The following TANC1 variants were observed in gnomAD, a reference collection of about 807,000 sequenced individuals.
The protein encoded by TANC1 is tetratricopeptide repeat, ankyrin repeat and coiled-coil containing 1.
Under a neutral mutation model 149.7 loss-of-function variants are expected in TANC1, and 77 were observed. That is an observed-to-expected ratio of 0.51 (90% CI 0.43 to 0.62). The LOEUF (loss-of-function observed/expected upper bound fraction) is 0.62. Ranked by LOEUF, TANC1 falls within the 20% of genes least tolerant of loss-of-function variation. The pLI is 0.00. For missense variants in TANC1, 1,985 were observed against 2,321.8 expected, an observed-to-expected ratio of 0.85 and a Z score of 2.98; for synonymous variants, 854 against 925.0, an observed-to-expected ratio of 0.92 and a Z score of 1.39.
At chr2:159,209,511 T>C (rs2058845879) in intron 19 of TANC1, among the ~76,000 whole-genome samples, 2 of 152,130 alleles carry the variant, frequency 1.3e-5, no homozygotes, top group Non-Finnish European at 1.5e-5. Flanking sequence ...GGGGAAAGGT[T>C]GCTGCTTTCA....
intron 19 of TANC1, among the ~76,000 whole-genome samples, chr2:159,204,158 G>A (rs2058448438): frequency 6.6e-6 from 1 of 152,214 alleles, no homozygotes; most frequent in African/African-American, 2.4e-5. Flanking sequence ...CCTGGTCCTT[G>A]TCATATAGGT....
At chr2:159,132,500 G>A (rs944929952) in intron 4 of TANC1, among the ~76,000 whole-genome samples, 1 of 151,656 alleles carries the variant, frequency 6.6e-6, no homozygotes, top group Non-Finnish European at 1.5e-5. Flanking sequence ...TTTTTCTTTT[G>A]TTTTGTTTGA....
intron 2 of TANC1, among the ~76,000 whole-genome samples, chr2:159,017,521 A>C (rs535797138): frequency 6.6e-6 from 1 of 152,270 alleles, no homozygotes; most frequent in South Asian, 2.1e-4. Flanking sequence ...AAGTATTTGC[A>C]GTGGTCCTGA....
intron 1 of TANC1, among the ~76,000 whole-genome samples, chr2:158,993,164 C>T (rs191768183): frequency 5.9e-5 from 9 of 152,288 alleles, no homozygotes; most frequent in East Asian, 1.9e-4. Flanking sequence ...TCAGATTAAA[C>T]GGTCACACAG....
At chr2:159,223,634 C>T (rs2059833728) in intron 22 of TANC1, among the ~76,000 whole-genome samples, 1 of 152,222 alleles carries the variant, frequency 6.6e-6, no homozygotes, top group African/African-American at 2.4e-5. Context: ...ATTTCTTCCT[C>T]TTGTTTCCAG....
rs1203609764 is a variant in TANC1, at chr2:159,168,229, A to T, written c.947-1021A>T. ...GTACTTGCTTCTAAGATTTCTTGAG[A>T]ATTAGCAAAATTATTTTGCGGTAGT... is the stretch of plus-strand genomic sequence containing the variant. On this transcript the variant is annotated intron_variant, in intron 8 of 26. Coordinates refer to ENST00000263635, the MANE Select transcript of TANC1 (RefSeq NM_033394.3). Among the ~76,000 whole-genome samples the T allele has an allele frequency of 2.0e-5, 3 of 152,110 alleles. No homozygotes were observed. In the East Asian group the frequency reaches 5.8e-4, roughly 29 times the overall value.
chr2:159,066,541 A>T (rs1333898854), intron 3 of TANC1, among the ~76,000 whole-genome samples: 2 of 152,262 alleles, frequency 1.3e-5, no homozygotes, highest in African/African-American at 2.4e-5. Context: ...TTAATAGGTC[A>T]TTCAGATCTG....
chr2:159,011,122 G>C (rs1045142290), intron 2 of TANC1, among the ~76,000 whole-genome samples: 2 of 152,182 alleles, frequency 1.3e-5, no homozygotes, highest in Non-Finnish European at 2.9e-5. Flanking sequence ...TTACAGATGA[G>C]AGTGAGTAAC....
rs531364887 is a variant in TANC1 at position 159,137,172 on chromosome 2, CT to C, written c.364+875del. ...TGGCATATCTGGCACCTTCCTCTGCCTAATTGTGGGTGGTGGGAGATACAGA... is the reference window on the plus strand; with the variant it reads ...TGGCATATCTGGCACCTTCCTCTGCCAATTGTGGGTGGTGGGAGATACAGA... On this transcript the variant is annotated intron_variant, in intron 5 of 26. Transcript: ENST00000263635. 1.4e-3 allele frequency among the ~76,000 whole-genome samples: 211 copies of C among 152,320 alleles called. 2 individuals are homozygous for C. Among genetic ancestry groups the C allele is most frequent in the Non-Finnish European group, 2.3e-3 (159 of 68,028 alleles).
intron 7 of TANC1, among the ~76,000 whole-genome samples, chr2:159,155,657 A>G (rs1323312620): frequency 2.6e-5 from 4 of 152,256 alleles, no homozygotes; most frequent in Non-Finnish European, 5.9e-5. Context: ...TTAAGTGCTC[A>G]GAATTCAAGC....
chr2:159,083,386 T>C (rs935889890), intron 3 of TANC1, among the ~76,000 whole-genome samples: 2 of 152,172 alleles, frequency 1.3e-5, no homozygotes, highest in Non-Finnish European at 2.9e-5. Context: ...TAAAAACTCT[T>C]AGAAGATCCC....
chr2:158,993,654 T>A (rs971360027), intron 1 of TANC1, among the ~76,000 whole-genome samples: 2 of 152,256 alleles, frequency 1.3e-5, no homozygotes, highest in African/African-American at 2.4e-5. Flanking sequence ...TTAAATTTTT[T>A]AAAAGTTAAT....
intron 7 of TANC1, among the ~76,000 whole-genome samples, chr2:159,160,549 G>T (rs1438779357): frequency 6.6e-6 from 1 of 152,212 alleles, no homozygotes; most frequent in African/African-American, 2.4e-5. Context: ...CTTAGGTTAT[G>T]CAGGGAAGCC....
At chr2:159,124,179 GA>G (rs1309853290) in intron 4 of TANC1, among the ~76,000 whole-genome samples, 2 of 152,090 alleles carry the variant, frequency 1.3e-5, no homozygotes, top group Admixed American at 6.6e-5. Context: ...CCAACATAGT[GA>G]AACCCTGTCT....
chr2:159,003,891 G>A (rs1022637179), intron 2 of TANC1: 7 of 1,612,652 alleles, frequency 4.3e-6, no homozygotes, highest in Middle Eastern at 1.9e-4. Context: ...GTCCAGATAG[G>A]GGGCAAGGAT....
At chr2:159,020,394 A>G (rs1028172461) in intron 2 of TANC1, among the ~76,000 whole-genome samples, 2 of 152,144 alleles carry the variant, frequency 1.3e-5, no homozygotes, top group Non-Finnish European at 2.9e-5. Context: ...GATTACAGGT[A>G]TGATTATAGG....
chr2:159,115,171 GGT>G (rs68140748), intron 4 of TANC1, among the ~76,000 whole-genome samples: 58,875 of 149,344 alleles, frequency 0.39, 11,952 homozygotes, highest in East Asian at 0.63. Context: ...AGCTGGTAAG[GGT>G]GTGTGTGTGT....
intron 7 of TANC1, among the ~76,000 whole-genome samples, chr2:159,162,884 A>G (rs958078439): frequency 3.9e-5 from 6 of 152,164 alleles, no homozygotes; most frequent in African/African-American, 1.4e-4. Flanking sequence ...ACCCCCAGCA[A>G]ATGTTTTTAA....
chr2:159,113,592 G>A (rs758427638), intron 4 of TANC1, among the ~76,000 whole-genome samples: 9 of 152,116 alleles, frequency 5.9e-5, no homozygotes, highest in Admixed American at 4.6e-4. Context: ...GGGGTAAATC[G>A]CCCCTTCTGC....
Sources: gnomAD v4.1 joint callset for allele counts (sites outside exome capture counted in the v4.1 genomes callset) on GRCh38, gnomAD v4.1.1 for gene constraint, MANE v1.5 for transcripts, NCBI Gene and HGNC (gene_info 2026-07-23, HGNC 2026-07-21) for gene names.